The following GGT5 variants were observed in gnomAD, a reference collection of about 807,000 sequenced individuals.
The protein encoded by GGT5 is gamma-glutamyltransferase 5, also known as glutathione hydrolase 5 proenzyme.
Under a neutral mutation model 58.1 loss-of-function variants are expected in GGT5, and 50 were observed. The ratio of observed to expected loss-of-function variants is 0.86; its 90% CI spans 0.69 to 1.09. GGT5 has a LOEUF of 1.09. GGT5 is among the 50% of genes least tolerant of loss of function. GGT5 has a pLI of 0.00. For missense variants in GGT5, 800 were observed against 789.4 expected (o/e 1.01, Z -0.16); for synonymous variants, 370 against 346.1 (o/e 1.07, Z -0.77).
In GGT5 at chr22:24,233,669, AT is replaced by A. The variant is rs1269736806; in HGVS notation, c.305-77del. 3 of 923,742 alleles carry A rather than the reference AT, an allele frequency of 3.2e-6. No individual in the cohort carries two copies. The African/African-American group carries it at 5.0e-5, about 15-fold the overall frequency. 57.2% of individuals were successfully genotyped at this position (923,742 alleles called of 1,614,324 possible). On this transcript the variant is annotated intron_variant, in intron 2 of 11. Coordinates refer to ENST00000327365, the MANE Select transcript of GGT5 (RefSeq NM_004121.5). ...TGGCCTGCTCTAGGCCTCAGTTTCC[AT>A]CTCTGCATTATGAGATGGACTCTGG...
intron 11 of GGT5, among the ~76,000 whole-genome samples, chr22:24,222,859 C>T (rs971876037): frequency 1.3e-5 from 2 of 152,080 alleles, no homozygotes; most frequent in African/African-American, 4.8e-5. Flanking sequence ...GGGCGGATCA[C>T]AAGGTCAGGA....
Position 24,225,379 on chromosome 22 carries a change from T to G in GGT5, c.1369A>C (p.Arg457=), listed in dbSNP as rs761249346. Residue 457 remains arginine, a synonymous_variant, in exon 10 of 12, where the codon AGG becomes CGG. Coordinates refer to ENST00000327365, the MANE Select transcript of GGT5 (RefSeq NM_004121.5). ...TCGCCTGGAACTGGGGGCCAGCACC[T>G]TCCGGGAGCTCCACCCACCCTGTCT... ...SGDRVGGAPG[R]CWPPVPGERS... is the part of the protein sequence containing the mutation. 25 of 1,609,012 alleles carry G rather than the reference T, an allele frequency of 1.6e-5. No individual in the cohort carries two copies. Among genetic ancestry groups the G allele is most frequent in the Non-Finnish European group, 2.1e-5 (25 of 1,177,038 alleles).
intron 1 of GGT5, chr22:24,244,192 A>G (rs373726584): frequency 3.3e-4 from 76 of 230,474 alleles, no homozygotes; most frequent in African/African-American, 1.1e-3. Flanking sequence ...ACACCCTGCC[A>G]CCTGTTCTGT....
At position 24,239,508 on chromosome 22, in the gene GGT5, A is replaced by G. The variant is rs4049961; in HGVS notation, c.173+5045T>C. The stretch of plus-strand genomic sequence containing the variant: ...TCTGGGATTTGCACTGAAATAATGT[A>G]GGGTAGAGGGAAGCAGGAAAGAGTA... On this transcript the variant is annotated intron_variant, in intron 1 of 11. Coordinates refer to ENST00000327365, the MANE Select transcript of GGT5 (RefSeq NM_004121.5). Among the ~76,000 whole-genome samples the G allele has an allele frequency of 4.2e-3, 639 of 150,966 alleles. 2 individuals are homozygous for G. The highest frequency in any genetic ancestry group is 0.014 in the African/African-American group (551 of 40,412).
At chr22:24,220,214 C>A in intron 11 of GGT5, 98 bp from the exon 12 acceptor site, 1 of 1,204,880 alleles carries the variant, frequency 8.3e-7, no homozygotes, top group South Asian at 1.4e-5. Context: ...GATCAAAAGG[C>A]AAGACGGAGA....
intron 1 of GGT5, among the ~76,000 whole-genome samples, chr22:24,235,957 G>A (rs2048083522): frequency 6.6e-6 from 1 of 152,114 alleles, no homozygotes. Flanking sequence ...CCTGATGTTG[G>A]GGGCCCCAGG....
chr22:24,224,213 A>G (rs879730378), intron 11 of GGT5, among the ~76,000 whole-genome samples: 91 of 152,090 alleles, frequency 6.0e-4, no homozygotes, highest in African/African-American at 8.4e-4. Flanking sequence ...TGGGGAATCA[A>G]AAAAAATGTT....
chr22:24,234,047 CT>C, intron 1 of GGT5, 43 bp from the exon 2 acceptor site: 1 of 1,561,732 alleles, frequency 6.4e-7, no homozygotes, highest in Non-Finnish European at 8.7e-7. Flanking sequence ...TCCCCTCCCC[CT>C]GCCTCCCCAC....
chr22:24,239,683 A>C (rs1456622318), intron 1 of GGT5, among the ~76,000 whole-genome samples: 1 of 152,176 alleles, frequency 6.6e-6, no homozygotes, highest in Non-Finnish European at 1.5e-5. Flanking sequence ...ACATCTATGC[A>C]CACACATATA....
At chr22:24,224,814 G>T (rs2047700533) in intron 11 of GGT5, among the ~76,000 whole-genome samples, 182 bp downstream of exon 11, 1 of 152,172 alleles carries the variant, frequency 6.6e-6, no homozygotes, top group Non-Finnish European at 1.5e-5. Flanking sequence ...GGAGGCCACA[G>T]AACTGGCCTG....
At chr22:24,233,156 C>CTCAAA in intron 3 of GGT5, 138 bp from the exon 4 acceptor site, 1 of 669,962 alleles carries the variant, frequency 1.5e-6, no homozygotes, top group Non-Finnish European at 2.4e-6. Context: ...TCCCTCCCTG[C>CTCAAA]TCAAATCACC....
intron 11 of GGT5, chr22:24,220,347 C>T (rs903419453): frequency 4.8e-6 from 3 of 624,284 alleles, no homozygotes; most frequent in Admixed American, 4.6e-5. Flanking sequence ...CACCCAGGCC[C>T]GAAGACCTCC....
In GGT5 at chr22:24,222,883, C is replaced by T. The variant is rs184291377; in HGVS notation, c.1614+2113G>A. ...ACAAGGTCAGGAGATCGAGACCATC[C>T]TGGCTAACACGGTGAAACCCTGTCT... is the stretch of plus-strand genomic sequence containing the variant. On this transcript the variant is annotated intron_variant, in intron 11 of 11. Transcript: ENST00000327365. 2.9e-3 allele frequency among the ~76,000 whole-genome samples: 444 copies of T among 151,404 alleles called. 7 individuals are homozygous for T. The highest frequency in any genetic ancestry group is 0.014 in the Middle Eastern group (4 of 282).
At chr22:24,220,790 G>C (rs2047567780) in intron 11 of GGT5, 1 of 409,042 alleles carries the variant, frequency 2.4e-6, no homozygotes, top group Non-Finnish European at 4.8e-6. Context: ...CCAGCACTTT[G>C]GGAGGCCGGC....
chr22:24,221,172 C>T (rs1265917332), intron 11 of GGT5, among the ~76,000 whole-genome samples: 1 of 152,192 alleles, frequency 6.6e-6, no homozygotes, highest in Non-Finnish European at 1.5e-5. Flanking sequence ...TTGAGAGAAA[C>T]TTAGTTTATA....
chr22:24,237,682 C>A (rs574253966), intron 1 of GGT5, among the ~76,000 whole-genome samples: 2,207 of 151,950 alleles, frequency 0.015, 36 homozygotes, highest in Non-Finnish European at 0.024. Context: ...GCTGGGATTA[C>A]AAGCGTGAGC....
intron 6 of GGT5, among the ~76,000 whole-genome samples, chr22:24,229,381 T>C (rs1336709934): frequency 6.7e-6 from 1 of 148,200 alleles, no homozygotes; most frequent in African/African-American, 2.5e-5. Context: ...ACTCCAGCCT[T>C]GGCGACAGAG....
chr22:24,220,151 G>A (rs773209662), intron 11 of GGT5, 35 bp from the exon 12 acceptor site: 71 of 1,608,786 alleles, frequency 4.4e-5, no homozygotes, highest in Non-Finnish European at 3.9e-5. Context: ...ACAGGGGAGG[G>A]CAGCTCAGCC....
intron 1 of GGT5, chr22:24,243,752 A>AC (rs2048386762): frequency 6.6e-6 from 1 of 152,102 alleles, no homozygotes; most frequent in Non-Finnish European, 1.5e-5. Context: ...GTCAGGAAAC[A>AC]CCCGCTGTGG....
Sources: gnomAD v4.1 joint callset for allele counts (sites outside exome capture counted in the v4.1 genomes callset) on GRCh38, gnomAD v4.1.1 for gene constraint, MANE v1.5 for transcripts, NCBI Gene and HGNC (gene_info 2026-07-23, HGNC 2026-07-21) for gene names.